Variants in PPP4R3B observed in about 807,000 individuals in gnomAD.
The protein encoded by PPP4R3B is serine/threonine-protein phosphatase 4 regulatory subunit 3B.
In PPP4R3B, 52 loss-of-function variants were observed where a neutral mutation model predicts 95.4. The observed-to-expected ratio is 0.54, with a 90% CI of 0.44 to 0.69. The LOEUF (loss-of-function observed/expected upper bound fraction) is 0.69. Among genes scored for constraint, PPP4R3B ranks in the 30% least tolerant of loss-of-function variants. PPP4R3B has a pLI of 0.00. For missense variants in PPP4R3B, 1,003 were observed against 1,005.9 expected (o/e 1.00, Z 0.04); for synonymous variants, 407 against 343.9 (o/e 1.18, Z -2.03).
Position 55,598,545 on chromosome 2 carries a change from ATGTATTTTTTG to A in PPP4R3B, c.781_791del (p.Gln261SerfsTer20). 6.2e-7 allele frequency: 1 copy of A among 1,614,088 alleles called. No homozygotes were observed. The highest frequency in any genetic ancestry group is 8.5e-7 in the Non-Finnish European group (1 of 1,180,028). On this transcript the variant is annotated frameshift_variant, in exon 4 of 17. Coordinates refer to ENST00000616407, the MANE Select transcript of PPP4R3B (RefSeq NM_001122964.3). LOFTEE classifies it high-confidence loss of function. ...GAATGTACTGTACCCTGTAAGTCTGATGTATTTTTTGCCTTAGTTCAGAGTCTGTTATTGGT... is the reference window on the plus strand; with the variant it reads ...GAATGTACTGTACCCTGTAAGTCTGACCTTAGTTCAGAGTCTGTTATTGGT...
At chr2:55,553,838 T>C (rs1685528625) in intron 16 of PPP4R3B, among the ~76,000 whole-genome samples, 1 of 152,242 alleles carries the variant, frequency 6.6e-6, no homozygotes, top group Non-Finnish European at 1.5e-5. Flanking sequence ...ACATTTTGTG[T>C]ATCCATTCAT....
At chr2:55,558,696 T>C (rs112903271) in intron 16 of PPP4R3B, 79 bp downstream of exon 16, 1 of 1,105,332 alleles carries the variant, frequency 9.0e-7, no homozygotes, top group Non-Finnish European at 1.3e-6. Context: ...GTTTTGATTA[T>C]CCAAATTTTT....
intron 4 of PPP4R3B, among the ~76,000 whole-genome samples, chr2:55,592,122 C>A (rs1691113243): frequency 6.6e-6 from 1 of 151,980 alleles, no homozygotes; most frequent in Admixed American, 6.5e-5. Flanking sequence ...ACAGGCCAAA[C>A]AAAAGAAAAA....
chr2:55,560,592 C>A (rs1686465381), intron 15 of PPP4R3B, among the ~76,000 whole-genome samples: 1 of 151,920 alleles, frequency 6.6e-6, no homozygotes, highest in Non-Finnish European at 1.5e-5. Context: ...GCCTGGCCAA[C>A]AGGGTGAAAC....
intron 1 of PPP4R3B, chr2:55,616,608 A>C (rs1218907637): frequency 6.6e-6 from 1 of 152,230 alleles, no homozygotes; most frequent in Non-Finnish European, 1.5e-5. Context: ...TGCAGACTAC[A>C]GATGTATGTG....
At chr2:55,611,368 T>G (rs960406424) in intron 2 of PPP4R3B, among the ~76,000 whole-genome samples, 3 of 152,166 alleles carry the variant, frequency 2.0e-5, no homozygotes, top group African/African-American at 4.8e-5. Flanking sequence ...TGGGACTGAT[T>G]TGAAGTAACT....
intron 16 of PPP4R3B, among the ~76,000 whole-genome samples, chr2:55,557,309 G>A (rs1685980712): frequency 6.6e-6 from 1 of 152,106 alleles, no homozygotes. Context: ...TCTCCTGCCT[G>A]ACTCTTGAGT....
chr2:55,567,800 G>A (rs565323874), intron 13 of PPP4R3B, among the ~76,000 whole-genome samples: 2 of 152,172 alleles, frequency 1.3e-5, no homozygotes, highest in East Asian at 3.9e-4. Context: ...AAAAGATCAC[G>A]TGAATAAGGC....
At chr2:55,603,410 T>C (rs1692925099) in intron 3 of PPP4R3B, among the ~76,000 whole-genome samples, 1 of 152,214 alleles carries the variant, frequency 6.6e-6, no homozygotes, top group Non-Finnish European at 1.5e-5. Context: ...TGTAAATCAA[T>C]ATCCTAGTTC....
At chr2:55,611,253 C>T (rs978711022) in intron 2 of PPP4R3B, among the ~76,000 whole-genome samples, 6 of 152,172 alleles carry the variant, frequency 3.9e-5, no homozygotes, top group Non-Finnish European at 8.8e-5. Flanking sequence ...CCTCAAACTC[C>T]TGGCCTTAAG....
At chr2:55,573,508 C>G in intron 12 of PPP4R3B, 111 bp downstream of exon 12, 1 of 1,027,094 alleles carries the variant, frequency 9.7e-7, no homozygotes, top group Non-Finnish European at 1.4e-6. Context: ...AATAGGACTT[C>G]TCACAATCAT....
Position 55,598,919 on chromosome 2 carries a change from T to G in PPP4R3B, c.418A>C (p.Asn140His), listed in dbSNP as rs778083794. 3 of 1,614,060 alleles carry G rather than the reference T, an allele frequency of 1.9e-6. No homozygotes were observed. In the African/African-American group the frequency reaches 4.0e-5, roughly 22 times the overall value. The change falls in exon 4 of 17, where the codon AAT becomes CAT. Residue 140 changes from asparagine to histidine, a missense_variant. Transcript: ENST00000616407. ...AAGTCAGCAATCTCTTCAAGTTTAT[T>G]GAGTTCACATGTGGGCAGGTCAATC... is the stretch of plus-strand genomic sequence containing the variant. ...HLIDLPTCELNKLEEIADLVT... is the reference protein window; with the variant it reads ...HLIDLPTCELHKLEEIADLVT...
chr2:55,563,229 A>C (rs1026937020), intron 15 of PPP4R3B, among the ~76,000 whole-genome samples: 1 of 152,254 alleles, frequency 6.6e-6, no homozygotes, highest in Non-Finnish European at 1.5e-5. Context: ...CAAACTAATG[A>C]GTTGAAAATG....
intron 15 of PPP4R3B, among the ~76,000 whole-genome samples, chr2:55,561,553 G>T (rs1442995615): frequency 6.6e-6 from 1 of 152,210 alleles, no homozygotes; most frequent in Non-Finnish European, 1.5e-5. Context: ...CAGCCATGGG[G>T]GCTGTACCTG....
chr2:55,611,380 A>G (rs1694146900), intron 2 of PPP4R3B, among the ~76,000 whole-genome samples: 1 of 152,200 alleles, frequency 6.6e-6, no homozygotes, highest in Non-Finnish European at 1.5e-5. Context: ...GAAGTAACTT[A>G]AAATTTCTGT....
intron 2 of PPP4R3B, among the ~76,000 whole-genome samples, chr2:55,610,601 A>T (rs1272520034): frequency 6.6e-6 from 1 of 152,070 alleles, no homozygotes; most frequent in Non-Finnish European, 1.5e-5. Context: ...ATGCAAGTTT[A>T]CTTTTTATAT....
At chr2:55,600,165 G>A (rs892942235) in intron 3 of PPP4R3B, among the ~76,000 whole-genome samples, 2 of 152,052 alleles carry the variant, frequency 1.3e-5, no homozygotes, top group Admixed American at 6.5e-5. Context: ...GGCGGCTCAC[G>A]CCTGTAATGC....
chr2:55,574,421 A>T (rs1348928129), intron 11 of PPP4R3B, among the ~76,000 whole-genome samples: 2 of 151,928 alleles, frequency 1.3e-5, no homozygotes, highest in Non-Finnish European at 2.9e-5. Flanking sequence ...ATGCTATATT[A>T]TTAATATTAA....
chr2:55,571,286 G>C (rs1687963932), intron 12 of PPP4R3B, among the ~76,000 whole-genome samples: 2 of 150,172 alleles, frequency 1.3e-5, no homozygotes, highest in African/African-American at 4.9e-5. Context: ...CTCCAGCCTG[G>C]GCAACAGAGC....
Sources: gnomAD v4.1 joint callset for allele counts (sites outside exome capture counted in the v4.1 genomes callset) on GRCh38, gnomAD v4.1.1 for gene constraint, MANE v1.5 for transcripts, NCBI Gene and HGNC (gene_info 2026-07-23, HGNC 2026-07-21) for gene names.